The following SPAG16 variants were observed in gnomAD, a reference collection of about 807,000 sequenced individuals.
SPAG16 encodes sperm-associated antigen 16 protein.
SPAG16 carries 86 observed loss-of-function variants against 80.4 expected under a neutral mutation model. That is an observed-to-expected ratio of 1.07 (90% CI 0.90 to 1.28). SPAG16 has a LOEUF of 1.28. Ranked by LOEUF, SPAG16 falls within the 50% of genes most tolerant of loss-of-function variation. SPAG16 has a pLI of 0.00. For missense variants in SPAG16, 870 were observed against 765.3 expected, an observed-to-expected ratio of 1.14 and a Z score of -1.61; for synonymous variants, 294 against 265.9, an observed-to-expected ratio of 1.11 and a Z score of -1.03.
chr2:213,421,500 A>G (rs763301626), intron 9 of SPAG16, among the ~76,000 whole-genome samples: 20 of 152,142 alleles, frequency 1.3e-4, no homozygotes, highest in Non-Finnish European at 2.4e-4. Context: ...CTGGGCAGAA[A>G]AATGTGGGTC....
intron 13 of SPAG16, among the ~76,000 whole-genome samples, chr2:214,105,008 G>C (rs2053306906): frequency 6.6e-6 from 1 of 152,154 alleles, no homozygotes; most frequent in African/African-American, 2.4e-5. Context: ...CATAATCACA[G>C]CTGAACGGGA....
At chr2:213,668,157 T>C (rs2063680590) in intron 10 of SPAG16, among the ~76,000 whole-genome samples, 1 of 151,976 alleles carries the variant, frequency 6.6e-6, no homozygotes, top group Admixed American at 6.6e-5. Context: ...CAGGCTGGTC[T>C]CAAACTCCTG....
At chr2:213,476,078 A>T (rs1332192116) in intron 9 of SPAG16, among the ~76,000 whole-genome samples, 1 of 152,246 alleles carries the variant, frequency 6.6e-6, no homozygotes, top group Non-Finnish European at 1.5e-5. Context: ...GACAGAAACA[A>T]CATGGTTCAG....
intron 7 of SPAG16, among the ~76,000 whole-genome samples, chr2:213,359,511 C>A (rs2065858205): frequency 1.3e-5 from 2 of 152,236 alleles, no homozygotes; most frequent in South Asian, 4.1e-4. Flanking sequence ...CAGGCTGCAG[C>A]CTCGCAGGTC....
At chr2:213,634,393 G>A (rs2062277566) in intron 10 of SPAG16, among the ~76,000 whole-genome samples, 1 of 151,994 alleles carries the variant, frequency 6.6e-6, no homozygotes, top group African/African-American at 2.4e-5. Context: ...ACAAGTTGTG[G>A]TAGTTACTAT....
chr2:213,668,894 T>A (rs1574725548), intron 10 of SPAG16, among the ~76,000 whole-genome samples: 1 of 152,116 alleles, frequency 6.6e-6, no homozygotes, highest in Non-Finnish European at 1.5e-5. Context: ...TTGATCTGCC[T>A]GCCTCGGCCT....
chr2:214,013,557 C>A (rs2047427005), intron 12 of SPAG16, among the ~76,000 whole-genome samples: 1 of 152,046 alleles, frequency 6.6e-6, no homozygotes. Flanking sequence ...AATATATAAC[C>A]AAGTCGGAGA....
chr2:214,046,271 T>A (rs916371524), intron 13 of SPAG16, among the ~76,000 whole-genome samples: 7 of 151,650 alleles, frequency 4.6e-5, no homozygotes, highest in Non-Finnish European at 1.0e-4. Context: ...TACAAAACTT[T>A]AAAAAAAAGA....
intron 15 of SPAG16, among the ~76,000 whole-genome samples, chr2:214,192,721 C>T (rs2057701690): frequency 6.6e-6 from 1 of 151,974 alleles, no homozygotes; most frequent in Non-Finnish European, 1.5e-5. Flanking sequence ...CTTTCATACA[C>T]TGTATCTTCT....
chr2:213,670,810 G>T (rs1384185357), intron 10 of SPAG16, among the ~76,000 whole-genome samples: 1 of 152,058 alleles, frequency 6.6e-6, no homozygotes, highest in African/African-American at 2.4e-5. Flanking sequence ...CTTAGTTTTT[G>T]AATTTCTCAA....
At position 214,212,156 on chromosome 2, in the gene SPAG16, A is replaced by G. The variant is rs188453169; in HGVS notation, c.1720+62890A>G. On this transcript the variant is annotated intron_variant, in intron 15 of 15. Transcript: ENST00000331683. ...TACTCTCTGTGGCCTGACAAGACAT[A>G]CTTGGTTTACCCCTCTCTAAATTCC... Among the ~76,000 whole-genome samples the G allele has an allele frequency of 3.3e-5, 5 of 152,266 alleles. No individual in the cohort carries two copies. In the East Asian group the frequency reaches 5.8e-4, roughly 18 times the overall value.
intron 12 of SPAG16, among the ~76,000 whole-genome samples, chr2:214,001,112 G>A (rs1200921752): frequency 1.3e-5 from 2 of 152,262 alleles, no homozygotes; most frequent in East Asian, 1.9e-4. Flanking sequence ...TAAATTAATT[G>A]ATAGAAAGAA....
intron 10 of SPAG16, among the ~76,000 whole-genome samples, chr2:213,809,824 TAAC>T (rs916583076): frequency 2.0e-5 from 3 of 152,236 alleles, no homozygotes; most frequent in African/African-American, 7.2e-5. Context: ...TGTTTTCCTT[TAAC>T]AACATTAACT....
intron 10 of SPAG16, among the ~76,000 whole-genome samples, chr2:213,829,701 TA>T (rs887394991): frequency 1.3e-5 from 2 of 152,152 alleles, no homozygotes; most frequent in Non-Finnish European, 2.9e-5. Context: ...GCCCAGGGAC[TA>T]TTTCATCAGT....
intron 9 of SPAG16, among the ~76,000 whole-genome samples, chr2:213,471,605 G>T (rs2073083573): frequency 6.6e-6 from 1 of 152,162 alleles, no homozygotes; most frequent in Admixed American, 6.5e-5. Context: ...CCTGCCAGAG[G>T]CTCTGATCAG....
intron 10 of SPAG16, among the ~76,000 whole-genome samples, chr2:213,799,833 T>G (rs1408565038): frequency 6.6e-6 from 1 of 151,806 alleles, no homozygotes; most frequent in Non-Finnish European, 1.5e-5. Context: ...AATATGGAAG[T>G]CAATATCAAT....
At chr2:213,752,554 T>C (rs2068124391) in intron 10 of SPAG16, among the ~76,000 whole-genome samples, 1 of 152,236 alleles carries the variant, frequency 6.6e-6, no homozygotes, top group Non-Finnish European at 1.5e-5. Flanking sequence ...CTTATCGAAT[T>C]ACTCATGATT....
intron 10 of SPAG16, among the ~76,000 whole-genome samples, chr2:213,681,155 G>A (rs1013552077): frequency 6.6e-6 from 1 of 152,184 alleles, no homozygotes; most frequent in Non-Finnish European, 1.5e-5. Flanking sequence ...AGGGGAAAGA[G>A]GATTCTCTAT....
Position 214,371,377 on chromosome 2 carries a change from A to T in SPAG16, c.1721-38763A>T, listed in dbSNP as rs565182695. ...GAGAAATCCCATCTCTACTAAAAAT[A>T]CAAAATTAGCTGGGCATGGTGGCGC... On this transcript the variant is annotated intron_variant, in intron 15 of 15. Coordinates refer to ENST00000331683, the MANE Select transcript of SPAG16 (RefSeq NM_024532.5). Among the ~76,000 whole-genome samples the T allele has an allele frequency of 5.9e-3, 897 of 151,922 alleles. 16 individuals carry two copies. The highest frequency in any genetic ancestry group is 0.021 in the African/African-American group (851 of 41,450).
Sources: gnomAD v4.1 joint callset for allele counts (sites outside exome capture counted in the v4.1 genomes callset) on GRCh38, gnomAD v4.1.1 for gene constraint, MANE v1.5 for transcripts, NCBI Gene and HGNC (gene_info 2026-07-23, HGNC 2026-07-21) for gene names.